The following CACNA2D1 variants were observed in gnomAD, a reference collection of about 807,000 sequenced individuals.
CACNA2D1 encodes voltage-dependent calcium channel subunit alpha-2/delta-1.
CACNA2D1 carries 53 observed loss-of-function variants against 171.5 expected under a neutral mutation model. That is an observed-to-expected ratio of 0.31 (90% CI 0.25 to 0.39). The LOEUF (loss-of-function observed/expected upper bound fraction) is 0.39. Ranked by LOEUF, CACNA2D1 falls within the 10% of genes least tolerant of loss-of-function variation. The probability of loss-of-function intolerance (pLI) is 1.00; values close to 1 mark genes in which losing one functional copy is unlikely to be tolerated. For missense variants in CACNA2D1, 903 were observed against 1,299.8 expected (o/e 0.69, Z 4.69); for synonymous variants, 442 against 443.1 (o/e 1.00, Z 0.03).
intron 10 of CACNA2D1, among the ~76,000 whole-genome samples, chr7:82,059,972 A>G (rs1806417003): frequency 1.5e-5 from 1 of 66,356 alleles, no homozygotes; most frequent in Non-Finnish European, 2.8e-5. Context: ...CAGGAAGGGG[A>G]ACATCACACA....
intron 3 of CACNA2D1, among the ~76,000 whole-genome samples, chr7:82,314,078 T>C (rs1369614529): frequency 2.0e-5 from 3 of 152,176 alleles, no homozygotes; most frequent in African/African-American, 7.2e-5. Context: ...CATGAATAAA[T>C]AATGCTTAAG....
chr7:81,978,753 GTA>G (rs1554336413), intron 24 of CACNA2D1, among the ~76,000 whole-genome samples: 1,441 of 139,432 alleles, frequency 0.01, 16 homozygotes, highest in Middle Eastern at 0.043. Flanking sequence ...TTTAAAAAGT[GTA>G]TATATATATA....
intron 3 of CACNA2D1, among the ~76,000 whole-genome samples, chr7:82,217,315 G>A (rs752524676): frequency 6.9e-6 from 1 of 144,284 alleles, no homozygotes; most frequent in East Asian, 2.0e-4. Context: ...GTTTTACTTC[G>A]TGTTACATTG....
chr7:82,333,906 C>T (rs190768398), intron 3 of CACNA2D1, among the ~76,000 whole-genome samples: 1 of 151,990 alleles, frequency 6.6e-6, no homozygotes, highest in East Asian at 1.9e-4. Context: ...CTCAGGTTAG[C>T]CAAGGTTTTC....
intron 4 of CACNA2D1, among the ~76,000 whole-genome samples, chr7:82,157,566 A>T (rs946500087): frequency 2.0e-5 from 3 of 152,048 alleles, no homozygotes; most frequent in Non-Finnish European, 4.4e-5. Context: ...AAGCCTCAGG[A>T]TCAACATCTA....
rs35419275 is a variant in CACNA2D1, at chr7:82,363,254, C to CT, written c.96-13606dup. The stretch of plus-strand genomic sequence containing the variant: ...CTACCATAGTTTTATTTATTTGTCT[C>CT]TTTTTTTTTTTTTTTTTTTTTTTTT... On this transcript the variant is annotated intron_variant, in intron 1 of 38. Coordinates refer to ENST00000356860, the MANE Select transcript of CACNA2D1 (RefSeq NM_000722.4). Among the ~76,000 whole-genome samples the CT allele has an allele frequency of 3.1e-3, 194 of 63,420 alleles. 28 individuals are homozygous for CT. Among genetic ancestry groups the CT allele is most frequent in the African/African-American group, 7.9e-3 (94 of 11,928 alleles). 41.6% of individuals were successfully genotyped at this position (63,420 alleles called of 152,430 possible).
At position 82,430,587 on chromosome 7, in the gene CACNA2D1, T is replaced by C. The variant is rs572910310; in HGVS notation, c.95+12778A>G. On this transcript the variant is annotated intron_variant, in intron 1 of 38. Coordinates refer to ENST00000356860, the MANE Select transcript of CACNA2D1 (RefSeq NM_000722.4). ...TGCACCAGAAATTTTATTTCAGTGTTTGATTTCTACCAACAAGAGAACAGT... is the reference window on the plus strand; with the variant it reads ...TGCACCAGAAATTTTATTTCAGTGTCTGATTTCTACCAACAAGAGAACAGT... Among the ~76,000 whole-genome samples, 10 of 152,326 alleles carry C rather than the reference T, an allele frequency of 6.6e-5. 1 individual carries two copies. In the South Asian group the frequency reaches 2.1e-3, roughly 32 times the overall value.
chr7:81,951,950 C>G (rs557228462), intron 38 of CACNA2D1, among the ~76,000 whole-genome samples: 4 of 124,918 alleles, frequency 3.2e-5, no homozygotes, highest in Admixed American at 8.1e-5. Flanking sequence ...CTTACATTCC[C>G]ACCAGCAGTG....
chr7:82,409,895 G>A (rs1048035147), intron 1 of CACNA2D1, among the ~76,000 whole-genome samples: 2 of 152,170 alleles, frequency 1.3e-5, no homozygotes, highest in Non-Finnish European at 1.5e-5. Flanking sequence ...CATCTAAGTT[G>A]TATGGTATAG....
At chr7:82,216,091 T>A (rs569320011) in intron 3 of CACNA2D1, among the ~76,000 whole-genome samples, 7 of 152,206 alleles carry the variant, frequency 4.6e-5, no homozygotes, top group East Asian at 1.9e-4. Flanking sequence ...CTTGGCCATA[T>A]TGTCTAATTA....
chr7:82,289,002 A>G (rs1811196099), intron 3 of CACNA2D1, among the ~76,000 whole-genome samples: 1 of 152,212 alleles, frequency 6.6e-6, no homozygotes. Context: ...TGCAACAGCC[A>G]CTACCTATCA....
At chr7:82,232,907 C>T (rs1467698858) in intron 3 of CACNA2D1, among the ~76,000 whole-genome samples, 5 of 131,856 alleles carry the variant, frequency 3.8e-5, no homozygotes, top group Admixed American at 7.9e-5. Flanking sequence ...TGCTTGAGGT[C>T]ACATAGATTT....
chr7:82,331,832 A>G (rs940674827), intron 3 of CACNA2D1, among the ~76,000 whole-genome samples: 2 of 152,210 alleles, frequency 1.3e-5, no homozygotes, highest in Non-Finnish European at 2.9e-5. Context: ...AGAAAAATGT[A>G]GACTGATAAA....
chr7:82,340,346 T>G (rs191911642), intron 2 of CACNA2D1, among the ~76,000 whole-genome samples: 35 of 151,978 alleles, frequency 2.3e-4, no homozygotes, highest in East Asian at 7.8e-4. Context: ...TTTTTGTTTT[T>G]TTTTTTTTTT....
At chr7:82,271,540 G>A (rs1327351216) in intron 3 of CACNA2D1, among the ~76,000 whole-genome samples, 1 of 151,882 alleles carries the variant, frequency 6.6e-6, no homozygotes, top group African/African-American at 2.4e-5. Flanking sequence ...ATTGATTGTG[G>A]TTCTCAGACT....
At chr7:82,259,422 T>A (rs746820260) in intron 3 of CACNA2D1, among the ~76,000 whole-genome samples, 1 of 152,210 alleles carries the variant, frequency 6.6e-6, no homozygotes, top group African/African-American at 2.4e-5. Flanking sequence ...GTATACCTCA[T>A]TCGTGTCACA....
At chr7:81,970,967 T>C (rs745344244) in intron 26 of CACNA2D1, 6 of 513,430 alleles carry the variant, frequency 1.2e-5, no homozygotes, top group Non-Finnish European at 1.8e-5. Flanking sequence ...ACATGGAGTA[T>C]GAATTGACAG....
intron 1 of CACNA2D1, among the ~76,000 whole-genome samples, chr7:82,411,241 G>A (rs1318218049): frequency 1.3e-5 from 2 of 152,180 alleles, no homozygotes. Context: ...AGAGGGGAAT[G>A]CAATGTAGTG....
chr7:82,167,223 AGAT>A (rs891394082), intron 4 of CACNA2D1, among the ~76,000 whole-genome samples: 13 of 152,234 alleles, frequency 8.5e-5, no homozygotes, highest in Admixed American at 2.6e-4. Context: ...ACCTTTTGAA[AGAT>A]GATAAAATTT....
Sources: allele counts gnomAD v4.1 joint callset (sites outside exome capture counted in the v4.1 genomes callset), GRCh38; gene constraint gnomAD v4.1.1; transcripts MANE v1.5; gene names NCBI Gene and HGNC (gene_info 2026-07-23, HGNC 2026-07-21).